Variants in CPQ observed in about 807,000 individuals in gnomAD.
CPQ encodes the protein carboxypeptidase Q, also known as Ser-Met dipeptidase.
Under a neutral mutation model 45.7 loss-of-function variants are expected in CPQ, and 37 were observed. The ratio of observed to expected loss-of-function variants is 0.81; its 90% CI spans 0.62 to 1.07. The LOEUF is 1.07. Ranked by LOEUF, CPQ falls within the 50% of genes least tolerant of loss-of-function variation. The pLI is 0.00. For missense variants in CPQ, 537 were observed against 572.9 expected (o/e 0.94, Z 0.64); for synonymous variants, 186 against 205.8 (o/e 0.90, Z 0.82).
intron 2 of CPQ, among the ~76,000 whole-genome samples, chr8:96,811,579 T>A (rs1811162176): frequency 6.6e-6 from 1 of 152,272 alleles, no homozygotes; most frequent in East Asian, 1.9e-4. Flanking sequence ...TATAGTATAT[T>A]ATGCAGATGT....
chr8:97,065,013 A>C (rs1056960032), intron 6 of CPQ, among the ~76,000 whole-genome samples: 5 of 152,178 alleles, frequency 3.3e-5, no homozygotes, highest in Non-Finnish European at 5.9e-5. Flanking sequence ...ACACCAAAGG[A>C]GATTGCAAAT....
At position 96,786,696 on chromosome 8, in the gene CPQ, C is replaced by G. The variant is rs368808544; in HGVS notation, c.433+1366C>G. 1.8e-4 allele frequency among the ~76,000 whole-genome samples: 27 copies of G among 152,168 alleles called. No individual in the cohort carries two copies. The East Asian group carries it at 5.0e-3, about 28-fold the overall frequency. ...CTTGCCAACACTTGTTATTATCTGTCTTCTTGGTTATAGCTATTCTAGTGG... is the reference window on the plus strand; with the variant it reads ...CTTGCCAACACTTGTTATTATCTGTGTTCTTGGTTATAGCTATTCTAGTGG... On this transcript the variant is annotated intron_variant, in intron 2 of 7. Transcript: ENST00000220763.
chr8:96,743,695 G>C (rs1207160441), intron 1 of CPQ, among the ~76,000 whole-genome samples: 2 of 152,182 alleles, frequency 1.3e-5, no homozygotes, highest in Non-Finnish European at 2.9e-5. Flanking sequence ...CTTTCTAACG[G>C]ACAGGACCCT....
At chr8:97,122,988 AAAAT>A (rs1563586968) in intron 7 of CPQ, among the ~76,000 whole-genome samples, 1 of 72,568 alleles carries the variant, frequency 1.4e-5, no homozygotes, top group African/African-American at 7.1e-5. Context: ...AAATTAAAAT[AAAAT>A]AAAATAAAAT....
intron 1 of CPQ, among the ~76,000 whole-genome samples, chr8:96,710,352 A>T (rs949510307): frequency 2.6e-5 from 4 of 151,816 alleles, no homozygotes; most frequent in Non-Finnish European, 5.9e-5. Context: ...TCATTTAGTT[A>T]TGTTCTGATC....
At chr8:96,889,958 T>C (rs1420050492) in intron 4 of CPQ, among the ~76,000 whole-genome samples, 1 of 152,204 alleles carries the variant, frequency 6.6e-6, no homozygotes, top group Non-Finnish European at 1.5e-5. Flanking sequence ...AATAATACTT[T>C]GCATCCTTCA....
At chr8:96,731,796 T>C (rs1809916372) in intron 1 of CPQ, among the ~76,000 whole-genome samples, 1 of 152,160 alleles carries the variant, frequency 6.6e-6, no homozygotes, top group Admixed American at 6.5e-5. Context: ...TTGATTTTTT[T>C]TGTAAACAAT....
At chr8:97,058,957 A>C (rs1444534105) in intron 6 of CPQ, among the ~76,000 whole-genome samples, 1 of 152,176 alleles carries the variant, frequency 6.6e-6, no homozygotes, top group Admixed American at 6.5e-5. Context: ...CAGATTTGCT[A>C]TATAATACAA....
At chr8:96,679,457 C>A (rs980658701) in intron 1 of CPQ, among the ~76,000 whole-genome samples, 4 of 152,008 alleles carry the variant, frequency 2.6e-5, no homozygotes, top group African/African-American at 9.7e-5. Context: ...AGGAATAATT[C>A]CCTCTTCTCC....
intron 3 of CPQ, among the ~76,000 whole-genome samples, chr8:96,854,684 A>G (rs990863542): frequency 6.6e-6 from 1 of 152,048 alleles, no homozygotes. Flanking sequence ...ATTGGTTCAT[A>G]TGATTACAGA....
At chr8:96,980,956 C>T (rs1813884107) in intron 5 of CPQ, among the ~76,000 whole-genome samples, 1 of 152,108 alleles carries the variant, frequency 6.6e-6, no homozygotes, top group African/African-American at 2.4e-5. Flanking sequence ...CTGTGATGTC[C>T]TTAACCTAAA....
chr8:96,757,354 GATAATAATAATAATAATAATA>G (rs3036414), intron 1 of CPQ, among the ~76,000 whole-genome samples: 8 of 139,392 alleles, frequency 5.7e-5, no homozygotes, highest in African/African-American at 7.9e-5. Flanking sequence ...CCATCTCAAT[GATAATAATAATAATAATAATA>G]ATAATAATAA....
At chr8:96,688,937 C>T (rs1424461465) in intron 1 of CPQ, among the ~76,000 whole-genome samples, 1 of 152,074 alleles carries the variant, frequency 6.6e-6, no homozygotes, top group African/African-American at 2.4e-5. Flanking sequence ...TTTTTCTTGA[C>T]CATTCTCAGC....
chr8:97,121,154 G>C (rs973722601), intron 7 of CPQ, among the ~76,000 whole-genome samples: 1 of 152,172 alleles, frequency 6.6e-6, no homozygotes, highest in Non-Finnish European at 1.5e-5. Flanking sequence ...CAACTGTCAG[G>C]TGCTGAAATG....
At chr8:96,932,072 T>A (rs968472620) in intron 4 of CPQ, among the ~76,000 whole-genome samples, 6 of 152,206 alleles carry the variant, frequency 3.9e-5, no homozygotes, top group Admixed American at 2.0e-4. Context: ...ACATATTTTT[T>A]AAAAATGCAG....
At chr8:96,922,247 T>G (rs1397897390) in intron 4 of CPQ, among the ~76,000 whole-genome samples, 1 of 152,192 alleles carries the variant, frequency 6.6e-6, no homozygotes, top group East Asian at 1.9e-4. Context: ...AAACAGTAAC[T>G]ATGACAACTC....
chr8:97,137,573 T>C (rs943967646), intron 7 of CPQ, among the ~76,000 whole-genome samples: 4 of 152,222 alleles, frequency 2.6e-5, no homozygotes, highest in Non-Finnish European at 5.9e-5. Context: ...AAGTGCTTTC[T>C]AGCTACTACC....
intron 2 of CPQ, among the ~76,000 whole-genome samples, chr8:96,799,113 CAGTGA>C (rs1482156158): frequency 6.6e-6 from 1 of 152,196 alleles, no homozygotes. Flanking sequence ...GTTGGCATCT[CAGTGA>C]AAGCAGATGA....
intron 4 of CPQ, among the ~76,000 whole-genome samples, chr8:96,885,403 C>T (rs188567136): frequency 1.5e-3 from 227 of 152,236 alleles, no homozygotes; most frequent in Middle Eastern, 6.8e-3. Context: ...CATGAACTTT[C>T]GGGTGACATA....
Sources: gnomAD v4.1 joint callset for allele counts (sites outside exome capture counted in the v4.1 genomes callset) on GRCh38, gnomAD v4.1.1 for gene constraint, MANE v1.5 for transcripts, NCBI Gene and HGNC (gene_info 2026-07-23, HGNC 2026-07-21) for gene names.